FAM13A: variants seen among roughly 807,000 people sequenced by gnomAD.
FAM13A encodes family with sequence similarity 13 member A.
In FAM13A, 76 loss-of-function variants were observed where a neutral mutation model predicts 129.6. The observed-to-expected ratio is 0.59, with a 90% CI of 0.49 to 0.71. The LOEUF is 0.71. FAM13A is among the 30% of genes least tolerant of loss of function. The pLI, the probability that FAM13A is intolerant of heterozygous loss-of-function variation, is 0.00. For missense variants in FAM13A, 1,108 were observed against 1,249.3 expected (o/e 0.89, Z 1.70); for synonymous variants, 443 against 449.9 (o/e 0.98, Z 0.20).
intron 1 of FAM13A, among the ~76,000 whole-genome samples, chr4:89,042,951 T>G (rs1409881272): frequency 6.6e-6 from 1 of 152,224 alleles, no homozygotes; most frequent in Admixed American, 6.5e-5. Flanking sequence ...ATAAAAATGT[T>G]GTGTTATCAC....
intron 4 of FAM13A, among the ~76,000 whole-genome samples, chr4:88,987,589 C>T (rs11732617): frequency 0.69 from 105,414 of 151,676 alleles, 36,753 homozygotes; most frequent in Middle Eastern, 0.79. Flanking sequence ...GCGCGGTGGC[C>T]CACGCTTGTA....
intron 6 of FAM13A, among the ~76,000 whole-genome samples, chr4:88,864,355 T>A (rs1318249550): frequency 2.0e-5 from 3 of 152,226 alleles, no homozygotes; most frequent in African/African-American, 7.2e-5. Flanking sequence ...AAAACCTTTC[T>A]TTCAGAGTTA....
intron 6 of FAM13A, among the ~76,000 whole-genome samples, chr4:88,900,693 A>G (rs1454763224): frequency 6.6e-6 from 1 of 152,132 alleles, no homozygotes; most frequent in Non-Finnish European, 1.5e-5. Context: ...ATACAAAACC[A>G]CACTGAAGTA....
intron 7 of FAM13A, among the ~76,000 whole-genome samples, chr4:88,815,992 A>T (rs1001687873): frequency 6.6e-6 from 1 of 152,028 alleles, no homozygotes; most frequent in African/African-American, 2.4e-5. Context: ...TTTCTAAAAA[A>T]AAAAAAGAAA....
chr4:89,011,485 C>T (rs2149085713), intron 3 of FAM13A, among the ~76,000 whole-genome samples: 1 of 152,284 alleles, frequency 6.6e-6, no homozygotes, highest in Admixed American at 6.5e-5. Flanking sequence ...CTGCATGTAG[C>T]ATCTTCCCAT....
At chr4:89,049,927 G>C (rs1335144524) in intron 1 of FAM13A, among the ~76,000 whole-genome samples, 1 of 150,442 alleles carries the variant, frequency 6.6e-6, no homozygotes, top group Non-Finnish European at 1.5e-5. Flanking sequence ...ATTCTGTTTT[G>C]AGCAACATTA....
chr4:88,948,664 T>C (rs1365261114), intron 4 of FAM13A, among the ~76,000 whole-genome samples: 2 of 152,048 alleles, frequency 1.3e-5, no homozygotes, highest in Non-Finnish European at 1.5e-5. Flanking sequence ...AAATTTTGTA[T>C]TTTTAGTAGA....
At chr4:88,874,325 A>G (rs1269588062) in intron 6 of FAM13A, among the ~76,000 whole-genome samples, 1 of 152,192 alleles carries the variant, frequency 6.6e-6, no homozygotes, top group Admixed American at 6.5e-5. Context: ...AAGAGTATTC[A>G]ATTAGGAAAA....
chr4:88,821,655 A>G (rs933305557), intron 7 of FAM13A, among the ~76,000 whole-genome samples: 1 of 152,210 alleles, frequency 6.6e-6, no homozygotes, highest in African/African-American at 2.4e-5. Flanking sequence ...AAGGGGAAAA[A>G]TGTCTCCAAC....
At chr4:88,971,253 AG>A (rs1438912121) in intron 4 of FAM13A, among the ~76,000 whole-genome samples, 1 of 152,160 alleles carries the variant, frequency 6.6e-6, no homozygotes, top group East Asian at 1.9e-4. Context: ...AAGTCATCAA[AG>A]GGAAAATTTA....
At position 88,728,321 on chromosome 4, in the gene FAM13A, A is replaced by T. The variant is rs115027241; in HGVS notation, c.*212T>A. On this transcript the variant is annotated 3_prime_UTR_variant, in exon 24 of 24. Transcript: ENST00000264344. Reference sequence around the variant, plus strand: ...CACATACTGCAGTCTTGACTTTCCAATTACAAAATGCCTAAGTCAGGTCAC... The same window carrying T: ...CACATACTGCAGTCTTGACTTTCCATTTACAAAATGCCTAAGTCAGGTCAC... The T allele has an allele frequency of 2.2e-5, 13 of 603,888 alleles. No homozygotes were observed. In the South Asian group the frequency reaches 2.6e-4, roughly 12 times the overall value. 37.4% of individuals were successfully genotyped at this position (603,888 alleles called of 1,614,324 possible). A position where few individuals can be genotyped will look rare whatever the true frequency, so the allele number is the denominator to read the frequency against.
Position 88,838,569 on chromosome 4 carries a change from A to T in FAM13A, c.1007+12451T>A, listed in dbSNP as rs542451577. 1.7e-4 allele frequency among the ~76,000 whole-genome samples: 26 copies of T among 152,170 alleles called. No homozygotes were observed. The East Asian group carries it at 5.0e-3, about 30-fold the overall frequency. ...TGAAATCCCGCCTCTATTAAAAACT[A>T]CACAAAAATTAGCCGGGCGTGGTGG... On this transcript the variant is annotated intron_variant, in intron 7 of 23. Transcript: ENST00000264344.
Position 88,921,481 on chromosome 4 carries a change from C to T in FAM13A, c.760-15019G>A, listed in dbSNP as rs190209469. Among the ~76,000 whole-genome samples, 903 of 152,214 alleles carry T rather than the reference C, an allele frequency of 5.9e-3. 11 individuals are homozygous for T. The highest frequency in any genetic ancestry group is 0.021 in the African/African-American group (861 of 41,522). Reference sequence around the variant, plus strand: ...TCATAAGTGAAGGAGAAATAAAATCCTTTACAGACAAGCAAATGTTGAGAG... The same window carrying T: ...TCATAAGTGAAGGAGAAATAAAATCTTTTACAGACAAGCAAATGTTGAGAG... On this transcript the variant is annotated intron_variant, in intron 5 of 23. Transcript: ENST00000264344.
At position 88,938,208 on chromosome 4, in the gene FAM13A, C is replaced by T. The variant is rs1754147452; in HGVS notation, c.639G>A (p.Gln213=). The change falls in exon 5 of 24, where the codon CAG becomes CAA. Residue 213 remains glutamine, a synonymous_variant. Coordinates refer to ENST00000264344, the MANE Select transcript of FAM13A (RefSeq NM_014883.4). ...TAGCCATTATCTTGTTGCACAGGTC[C>T]TGTTCCTTCATGCCTTCAAGCCCAG... is the stretch of plus-strand genomic sequence containing the variant. ...VPPGLEGMKE[Q]DLCNKIMAKI... 1.9e-6 allele frequency: 3 copies of T among 1,611,888 alleles called. No individual in the cohort carries two copies. In the African/African-American group the frequency reaches 4.0e-5, roughly 22 times the overall value.
intron 3 of FAM13A, among the ~76,000 whole-genome samples, chr4:88,997,117 C>T (rs1386172969): frequency 6.6e-6 from 1 of 152,068 alleles, no homozygotes; most frequent in Non-Finnish European, 1.5e-5. Context: ...CATAAAAGGG[C>T]CTCAGAAACA....
chr4:88,889,310 C>G (rs1744971705), intron 6 of FAM13A, among the ~76,000 whole-genome samples: 1 of 151,944 alleles, frequency 6.6e-6, no homozygotes, highest in African/African-American at 2.4e-5. Flanking sequence ...GAGGGAGGGA[C>G]AGGCAATTCG....
intron 4 of FAM13A, among the ~76,000 whole-genome samples, chr4:88,969,962 T>C (rs1175209334): frequency 1.3e-5 from 2 of 152,176 alleles, no homozygotes; most frequent in South Asian, 2.1e-4. Context: ...AGCATCGATA[T>C]CAGTTCTACA....
At chr4:88,744,128 A>G (rs564803807) in intron 19 of FAM13A, among the ~76,000 whole-genome samples, 1 of 152,212 alleles carries the variant, frequency 6.6e-6, no homozygotes, top group Non-Finnish European at 1.5e-5. Context: ...AAATTTGAAC[A>G]TGGCTGTATT....
intron 20 of FAM13A, chr4:88,737,777 C>T: frequency 1.8e-6 from 1 of 552,846 alleles, no homozygotes; most frequent in Non-Finnish European, 3.2e-6. Flanking sequence ...GGACAGAGTA[C>T]AGCAAGAACA....
Sources: gnomAD v4.1 joint callset for allele counts (sites outside exome capture counted in the v4.1 genomes callset) on GRCh38, gnomAD v4.1.1 for gene constraint, MANE v1.5 for transcripts, NCBI Gene and HGNC (gene_info 2026-07-23, HGNC 2026-07-21) for gene names.